The following NAALADL2 variants were observed in gnomAD, a reference collection of about 807,000 sequenced individuals.
NAALADL2 encodes the protein inactive N-acetylated-alpha-linked acidic dipeptidase-like protein 2.
Under a neutral mutation model 87.2 loss-of-function variants are expected in NAALADL2, and 76 were observed. That is an observed-to-expected ratio of 0.87 (90% CI 0.72 to 1.05). NAALADL2 has a LOEUF of 1.05. NAALADL2 is among the 50% of genes least tolerant of loss of function. The probability of loss-of-function intolerance (pLI) is 0.00; values close to 1 mark genes in which losing one functional copy is unlikely to be tolerated. For missense variants in NAALADL2, 1,089 were observed against 945.8 expected (o/e 1.15, Z -1.99); for synonymous variants, 354 against 331.0 (o/e 1.07, Z -0.75).
At chr3:175,377,093 G>T (rs557355883) in intron 5 of NAALADL2, among the ~76,000 whole-genome samples, 54 of 151,996 alleles carry the variant, frequency 3.6e-4, no homozygotes, top group African/African-American at 1.2e-3. Context: ...CAGGCAGATT[G>T]CTTGAGGCCA....
At chr3:175,142,398 TCTTA>T (rs200816955) in intron 2 of NAALADL2, among the ~76,000 whole-genome samples, 674 of 152,164 alleles carry the variant, frequency 4.4e-3, no homozygotes, top group African/African-American at 0.015. Flanking sequence ...TTTACTGAGA[TCTTA>T]CTATGTATGT....
intron 1 of NAALADL2, among the ~76,000 whole-genome samples, chr3:174,931,878 A>G (rs1736944524): frequency 6.6e-6 from 1 of 152,196 alleles, no homozygotes; most frequent in South Asian, 2.1e-4. Context: ...CTATTGCATG[A>G]TGGCTTGGTA....
At chr3:175,295,238 A>G (rs1410372770) in intron 4 of NAALADL2, among the ~76,000 whole-genome samples, 1 of 152,146 alleles carries the variant, frequency 6.6e-6, no homozygotes, top group Non-Finnish European at 1.5e-5. Flanking sequence ...TCTTCATCCT[A>G]CAGAGGACTA....
At chr3:175,608,438 C>G (rs115046601) in intron 10 of NAALADL2, among the ~76,000 whole-genome samples, 1 of 151,606 alleles carries the variant, frequency 6.6e-6, no homozygotes, top group Non-Finnish European at 1.5e-5. Context: ...CCGTGTCCAG[C>G]GCTTTATTTA....
At chr3:174,535,937 T>A (rs538761685) in intron 1 of NAALADL2, among the ~76,000 whole-genome samples, 91 of 152,216 alleles carry the variant, frequency 6.0e-4, no homozygotes, top group African/African-American at 2.1e-3. Context: ...CAAAGAACGA[T>A]TGAATGAAAA....
chr3:174,675,517 A>C (rs1405513918), intron 2 of NAALADL2, among the ~76,000 whole-genome samples: 1 of 152,086 alleles, frequency 6.6e-6, no homozygotes, highest in East Asian at 1.9e-4. Flanking sequence ...CTCACAGCAA[A>C]TACTTGATGG....
intron 1 of NAALADL2, among the ~76,000 whole-genome samples, chr3:175,081,482 C>G (rs956805788): frequency 6.6e-6 from 1 of 152,244 alleles, no homozygotes; most frequent in Middle Eastern, 3.4e-3. Flanking sequence ...ACTCAAATGT[C>G]ATGGTGTCTT....
chr3:174,886,483 C>T (rs1031571324), intron 1 of NAALADL2, among the ~76,000 whole-genome samples: 1 of 152,106 alleles, frequency 6.6e-6, no homozygotes, highest in East Asian at 1.9e-4. Context: ...TTGTATCCTT[C>T]AATCCAATCA....
intron 5 of NAALADL2, among the ~76,000 whole-genome samples, chr3:175,368,161 T>C (rs1350406855): frequency 6.6e-6 from 1 of 152,210 alleles, no homozygotes; most frequent in East Asian, 1.9e-4. Flanking sequence ...ATTACATTTA[T>C]TGATTTGCGT....
chr3:175,662,230 G>A (rs1161545649), intron 11 of NAALADL2, among the ~76,000 whole-genome samples: 1 of 151,614 alleles, frequency 6.6e-6, no homozygotes, highest in Non-Finnish European at 1.5e-5. Flanking sequence ...TTTATTCCTA[G>A]ATTTATTTTA....
chr3:175,536,488 C>T (rs1734831707), intron 9 of NAALADL2, among the ~76,000 whole-genome samples: 1 of 151,986 alleles, frequency 6.6e-6, no homozygotes, highest in Non-Finnish European at 1.5e-5. Flanking sequence ...AATGTATTTA[C>T]TGTACATGAT....
chr3:174,510,355 A>C (rs550848124), intron 1 of NAALADL2, among the ~76,000 whole-genome samples: 2 of 152,176 alleles, frequency 1.3e-5, no homozygotes, highest in Non-Finnish European at 2.9e-5. Context: ...ACAGTTCTCC[A>C]GTGAGGCTAT....
At chr3:174,620,525 CT>C (rs1328362165) in intron 2 of NAALADL2, among the ~76,000 whole-genome samples, 1 of 151,776 alleles carries the variant, frequency 6.6e-6, no homozygotes, top group Non-Finnish European at 1.5e-5. Flanking sequence ...ATAAACAGAA[CT>C]GATACAGATT....
At chr3:175,630,386 C>T (rs190780355) in intron 11 of NAALADL2, among the ~76,000 whole-genome samples, 98 of 151,686 alleles carry the variant, frequency 6.5e-4, no homozygotes, top group African/African-American at 2.3e-3. Flanking sequence ...TGCCCTTCCT[C>T]GCTAGGATTC....
At chr3:174,519,234 T>G (rs185534748) in intron 1 of NAALADL2, among the ~76,000 whole-genome samples, 67 of 152,264 alleles carry the variant, frequency 4.4e-4, no homozygotes, top group Admixed American at 1.4e-3. Flanking sequence ...CTCAGAGATC[T>G]TTGAAACACA....
chr3:175,779,632 G>C lies in NAALADL2; in HGVS notation c.2190-23373G>C, dbSNP rs145782279. Among the ~76,000 whole-genome samples, 960 of 152,182 alleles carry C rather than the reference G, an allele frequency of 6.3e-3. 30 individuals carry two copies. Among genetic ancestry groups the C allele is most frequent in the Admixed American group, 0.053 (812 of 15,266 alleles). On this transcript the variant is annotated intron_variant, in intron 13 of 13. Transcript: ENST00000454872. The stretch of plus-strand genomic sequence containing the variant: ...ATTTCTGTAAATAAAGTTTTATTTT[G>C]ATGAAGCAAATATGCAAATTAAGAT...
intron 1 of NAALADL2, among the ~76,000 whole-genome samples, chr3:174,928,850 C>T (rs1736463261): frequency 6.6e-6 from 1 of 152,054 alleles, no homozygotes; most frequent in Non-Finnish European, 1.5e-5. Flanking sequence ...ATATCATTGT[C>T]TTTGGATGGA....
intron 10 of NAALADL2, among the ~76,000 whole-genome samples, chr3:175,577,974 G>A (rs1251970091): frequency 6.6e-6 from 1 of 152,068 alleles, no homozygotes; most frequent in Non-Finnish European, 1.5e-5. Flanking sequence ...AAGGAAATTA[G>A]AGCTTTTTTT....
In NAALADL2 at chr3:175,295,628, G is replaced by C. The variant is rs556915705; in HGVS notation, c.940-28547G>C. ...CTCTAGTCTTCTTTCATTCACACATGTCTTCTGTGTTGCTGCCAAAGTGTT... is the reference window on the plus strand; with the variant it reads ...CTCTAGTCTTCTTTCATTCACACATCTCTTCTGTGTTGCTGCCAAAGTGTT... On this transcript the variant is annotated intron_variant, in intron 4 of 13. Transcript: ENST00000454872. 2.0e-5 allele frequency among the ~76,000 whole-genome samples: 3 copies of C among 151,452 alleles called. No homozygotes were observed. In the South Asian group the frequency reaches 6.3e-4, roughly 32 times the overall value.
Sources: gnomAD v4.1 joint callset for allele counts (sites outside exome capture counted in the v4.1 genomes callset) on GRCh38, gnomAD v4.1.1 for gene constraint, MANE v1.5 for transcripts, NCBI Gene and HGNC (gene_info 2026-07-23, HGNC 2026-07-21) for gene names.